The following LPA variants were observed in gnomAD, a reference collection of about 807,000 sequenced individuals.
LPA encodes apolipoprotein(a).
LPA carries 199 observed loss-of-function variants against 197.9 expected under a neutral mutation model. The observed-to-expected ratio is 1.01, with a 90% confidence interval of 0.90 to 1.13. The LOEUF (loss-of-function observed/expected upper bound fraction) is 1.13. Ranked by LOEUF, LPA falls within the 50% of genes most tolerant of loss-of-function variation. The pLI, the probability that LPA is intolerant of heterozygous loss-of-function variation, is 0.00. For synonymous variants in LPA, 715 were observed against 639.5 expected, an observed-to-expected ratio of 1.12 and a Z score of -1.78; for missense variants, 1,853 against 1,785.8, an observed-to-expected ratio of 1.04 and a Z score of -0.68.
intron 1 of LPA, among the ~76,000 whole-genome samples, chr6:160,653,337 C>G (rs1418937815): frequency 6.6e-6 from 1 of 151,940 alleles, no homozygotes; most frequent in Non-Finnish European, 1.5e-5. Flanking sequence ...GACACATCAC[C>G]ATTAATCCTC....
rs1418956579 is a variant in LPA at position 160,548,654 on chromosome 6, A to C, written c.4979T>G (p.Leu1660Arg). 1 of 1,613,886 alleles carries C rather than the reference A, an allele frequency of 6.2e-7. No individual in the cohort carries two copies. The highest frequency in any genetic ancestry group is 8.5e-7 in the Non-Finnish European group (1 of 1,179,954). The change falls in exon 31 of 39, where the codon CTG becomes CGG. Residue 1660 changes from leucine to arginine, a missense_variant. Coordinates refer to ENST00000316300, the MANE Select transcript of LPA (RefSeq NM_005577.4). ...TGGATTCCTGCAGTAGTTCATTGTCAGGCCACTGGAAATTCCAAAGCAATA... is the reference window on the plus strand; with the variant it reads ...TGGATTCCTGCAGTAGTTCATTGTCCGGCCACTGGAAATTCCAAAGCAATA... ...RTPENYPNDGLTMNYCRNPDA... is the reference protein window; with the variant it reads ...RTPENYPNDGRTMNYCRNPDA...
At chr6:160,579,470 A>G (rs1778749565) in intron 26 of LPA, among the ~76,000 whole-genome samples, 1 of 152,142 alleles carries the variant, frequency 6.6e-6, no homozygotes, top group Non-Finnish European at 1.5e-5. Flanking sequence ...GGAATGGGTG[A>G]TGAGTTGAAA....
At chr6:160,534,398 GAT>G (rs964252818) in intron 37 of LPA, among the ~76,000 whole-genome samples, 87 of 152,320 alleles carry the variant, frequency 5.7e-4, no homozygotes, top group African/African-American at 1.9e-3. Context: ...CCAATGTAGA[GAT>G]GGCACCTCTG....
intron 26 of LPA, among the ~76,000 whole-genome samples, chr6:160,579,420 C>A (rs1474293329): frequency 6.6e-6 from 1 of 152,174 alleles, no homozygotes; most frequent in Non-Finnish European, 1.5e-5. Flanking sequence ...CTCCTGCTCT[C>A]AGTCCATCCT....
chr6:160,559,240 T>A (rs1348608763), intron 28 of LPA, among the ~76,000 whole-genome samples: 2 of 152,336 alleles, frequency 1.3e-5, no homozygotes, highest in Non-Finnish European at 1.5e-5. Context: ...CAGAAATTAG[T>A]TTTTCCTCTT....
chr6:160,663,664 T>C lies in LPA; in HGVS notation c.49+502A>G, dbSNP rs577871482. ...AATTTCTCCAGGGATAAGAAGCAAA[T>C]GTATACCGATGGAAAGCCTTACTCA... On this transcript the variant is annotated intron_variant, in intron 1 of 38. Coordinates refer to ENST00000316300, the MANE Select transcript of LPA (RefSeq NM_005577.4). Among the ~76,000 whole-genome samples the C allele has an allele frequency of 5.1e-4, 78 of 152,316 alleles. 1 individual carries two copies. The South Asian group carries it at 0.015, about 30-fold the overall frequency.
chr6:160,647,516 A>T (rs1442123709), intron 2 of LPA, among the ~76,000 whole-genome samples: 1 of 152,222 alleles, frequency 6.6e-6, no homozygotes, highest in Non-Finnish European at 1.5e-5. Context: ...TTCAATGAGC[A>T]ACTGGATGTA....
intron 26 of LPA, among the ~76,000 whole-genome samples, chr6:160,583,862 G>T (rs1778845766): frequency 6.6e-6 from 1 of 152,184 alleles, no homozygotes; most frequent in East Asian, 1.9e-4. Flanking sequence ...TAATTATGGG[G>T]TTGATCTTAT....
intron 2 of LPA, among the ~76,000 whole-genome samples, chr6:160,650,097 A>T (rs1779975941): frequency 6.6e-6 from 1 of 152,106 alleles, no homozygotes; most frequent in Non-Finnish European, 1.5e-5. Context: ...CTGATTTTCC[A>T]TTATTGTGGC....
At chr6:160,577,102 G>T (rs760908818) in intron 28 of LPA, 34 bp downstream of exon 28, 3 of 1,610,618 alleles carry the variant, frequency 1.9e-6, no homozygotes, top group Non-Finnish European at 2.5e-6. Context: ...TGAGTTGGCT[G>T]TTGCTCCTCT....
intron 16 of LPA, among the ~76,000 whole-genome samples, chr6:160,607,460 C>T (rs1387029347): frequency 6.6e-6 from 1 of 152,080 alleles, no homozygotes; most frequent in Non-Finnish European, 1.5e-5. Context: ...GGACCCATGG[C>T]ATAAAGGAAG....
chr6:160,604,423 T>G (rs1779304554), intron 18 of LPA, among the ~76,000 whole-genome samples: 1 of 152,152 alleles, frequency 6.6e-6, no homozygotes, highest in Non-Finnish European at 1.5e-5. Flanking sequence ...AGCCTGGCCA[T>G]GGGCTGGTCA....
intron 28 of LPA, among the ~76,000 whole-genome samples, chr6:160,559,805 T>C (rs1400085026): frequency 6.6e-6 from 1 of 152,212 alleles, no homozygotes; most frequent in African/African-American, 2.4e-5. Context: ...CTTATTATTA[T>C]TATACTTTAA....
At chr6:160,568,044 C>T (rs916819878) in intron 28 of LPA, among the ~76,000 whole-genome samples, 4 of 152,016 alleles carry the variant, frequency 2.6e-5, no homozygotes, top group African/African-American at 4.8e-5. Flanking sequence ...GATTCATAGC[C>T]GAATTCTACC....
intron 18 of LPA, among the ~76,000 whole-genome samples, chr6:160,602,103 A>G (rs1221684764): frequency 6.6e-6 from 1 of 151,972 alleles, no homozygotes; most frequent in Non-Finnish European, 1.5e-5. Context: ...GGGATCCAAC[A>G]CTGTCTCTCT....
chr6:160,654,997 G>A (rs1780107697), intron 1 of LPA, among the ~76,000 whole-genome samples: 1 of 152,136 alleles, frequency 6.6e-6, no homozygotes, highest in Non-Finnish European at 1.5e-5. Flanking sequence ...TGGAGAACAT[G>A]GGCATTTGAG....
At chr6:160,653,146 C>T (rs1449941621) in intron 1 of LPA, among the ~76,000 whole-genome samples, 1 of 152,044 alleles carries the variant, frequency 6.6e-6, no homozygotes, top group Non-Finnish European at 1.5e-5. Flanking sequence ...TTCATATCAG[C>T]ACAAATAGAC....
rs753427138 is a variant in LPA at position 160,577,210 on chromosome 6, T to C, written c.4557A>G (p.Thr1519=). Residue 1519 remains threonine (T), a synonymous_variant, in exon 28 of 39, where the codon ACA becomes ACG. Coordinates refer to ENST00000316300, the MANE Select transcript of LPA (RefSeq NM_005577.4). ...ATGACCAAGATTGACAGGTCCTTCCTGTGACAGTGGTGGAGGATATGCCTC... is the reference window on the plus strand; with the variant it reads ...ATGACCAAGATTGACAGGTCCTTCCCGTGACAGTGGTGGAGGATATGCCTC... ...SYRGISSTTV[T]GRTCQSWSSM... 4.3e-6 allele frequency: 7 copies of C among 1,613,940 alleles called. No homozygotes were observed. In the South Asian group the frequency reaches 6.6e-5, roughly 15 times the overall value.
intron 28 of LPA, among the ~76,000 whole-genome samples, chr6:160,569,262 T>C (rs1366442900): frequency 1.3e-5 from 2 of 152,176 alleles, no homozygotes; most frequent in Non-Finnish European, 2.9e-5. Context: ...CAAAACAGCA[T>C]GGTACTGGTA....
Sources: allele counts gnomAD v4.1 joint callset (sites outside exome capture counted in the v4.1 genomes callset), GRCh38; gene constraint gnomAD v4.1.1; transcripts MANE v1.5; gene names NCBI Gene and HGNC (gene_info 2026-07-23, HGNC 2026-07-21).